The following PDE10A variants were observed in gnomAD, a reference collection of about 807,000 sequenced individuals.
The protein encoded by PDE10A is cAMP and cAMP-inhibited cGMP 3',5'-cyclic phosphodiesterase 10A.
In PDE10A, 39 loss-of-function variants were observed where a neutral mutation model predicts 97.7. The ratio of observed to expected loss-of-function variants is 0.40; its 90% CI spans 0.31 to 0.52. The LOEUF (loss-of-function observed/expected upper bound fraction) is 0.52. PDE10A is among the 20% of genes least tolerant of loss of function. PDE10A has a pLI of 0.56. For missense variants in PDE10A, 731 were observed against 1,047.8 expected (o/e 0.70, Z 4.17); for synonymous variants, 371 against 376.8 (o/e 0.98, Z 0.18).
intron 2 of PDE10A, among the ~76,000 whole-genome samples, chr6:165,482,736 G>A (rs560988334): frequency 6.6e-6 from 1 of 152,310 alleles, no homozygotes; most frequent in South Asian, 2.1e-4. Context: ...TGCTTCGAAG[G>A]TTAGTTCCAG....
In PDE10A at chr6:165,419,568, C is replaced by G. The variant is rs144531895; in HGVS notation, c.1654-791G>C. 6.9e-3 allele frequency among the ~76,000 whole-genome samples: 1,051 copies of G among 152,262 alleles called. 14 individuals are homozygous for G. Among genetic ancestry groups the G allele is most frequent in the African/African-American group, 0.024 (993 of 41,538 alleles). On this transcript the variant is annotated intron_variant, in intron 10 of 21. Transcript: ENST00000539869. The stretch of plus-strand genomic sequence containing the variant: ...GGCCCATGCTTTTATAACAAATATG[C>G]TTTTCCATTTCTAAATGGAAACCAT...
At chr6:165,520,223 A>C (rs1279158907) in intron 2 of PDE10A, among the ~76,000 whole-genome samples, 1 of 152,182 alleles carries the variant, frequency 6.6e-6, no homozygotes, top group Non-Finnish European at 1.5e-5. Flanking sequence ...AAGGAAGAAT[A>C]GTTTGAAGCA....
intron 1 of PDE10A, among the ~76,000 whole-genome samples, chr6:165,626,496 C>T (rs1788392028): frequency 6.6e-6 from 1 of 152,166 alleles, no homozygotes; most frequent in Non-Finnish European, 1.5e-5. Flanking sequence ...AGCAGACTTT[C>T]AATAACCTAA....
intron 1 of PDE10A, among the ~76,000 whole-genome samples, chr6:165,600,166 C>T (rs1470417176): frequency 6.6e-6 from 1 of 152,164 alleles, no homozygotes; most frequent in Non-Finnish European, 1.5e-5. Context: ...TTATAATCAC[C>T]TTCACTCCTC....
chr6:165,798,181 A>C (rs1242518339), intron 1 of PDE10A, among the ~76,000 whole-genome samples: 1 of 152,262 alleles, frequency 6.6e-6, no homozygotes, highest in Non-Finnish European at 1.5e-5. Flanking sequence ...TCTCAAAAAT[A>C]ATATCACCAT....
intron 1 of PDE10A, among the ~76,000 whole-genome samples, chr6:165,913,188 A>G (rs1782508771): frequency 6.6e-6 from 1 of 152,102 alleles, no homozygotes; most frequent in Non-Finnish European, 1.5e-5. Context: ...TTCATTATGT[A>G]TATGCAAATA....
chr6:165,550,082 T>C (rs1290016133), intron 1 of PDE10A, among the ~76,000 whole-genome samples: 2 of 152,110 alleles, frequency 1.3e-5, no homozygotes, highest in Non-Finnish European at 2.9e-5. Context: ...ACACCTGAGT[T>C]CTGACTCCTA....
chr6:165,793,600 A>G (rs1277453417), intron 1 of PDE10A, among the ~76,000 whole-genome samples: 1 of 152,182 alleles, frequency 6.6e-6, no homozygotes, highest in Non-Finnish European at 1.5e-5. Context: ...CAAGACTCAC[A>G]GCAGAGCAAG....
At chr6:165,510,380 C>A (rs1400902139) in intron 2 of PDE10A, among the ~76,000 whole-genome samples, 1 of 151,986 alleles carries the variant, frequency 6.6e-6, no homozygotes. Context: ...ATAAATTCCA[C>A]TTGATTGTAG....
Position 165,421,778 on chromosome 6 carries a change from T to C in PDE10A, c.1654-3001A>G, listed in dbSNP as rs1464556899. ...CAATTATAGGCAGTAAGAGGGCTTC[T>C]GTGGCTGGGTGCAGGGGCTCACGCT... is the stretch of plus-strand genomic sequence containing the variant. On this transcript the variant is annotated intron_variant, in intron 10 of 21. Coordinates refer to ENST00000539869, the MANE Select transcript of PDE10A (RefSeq NM_001385079.1). Among the ~76,000 whole-genome samples the C allele has an allele frequency of 2.0e-5, 3 of 152,234 alleles. No individual in the cohort carries two copies. The East Asian group carries it at 5.8e-4, about 29-fold the overall frequency.
At chr6:165,832,985 C>A (rs531404014) in intron 1 of PDE10A, among the ~76,000 whole-genome samples, 1 of 152,330 alleles carries the variant, frequency 6.6e-6, no homozygotes, top group South Asian at 2.1e-4. Flanking sequence ...ATGTACCCAT[C>A]ACCTGTGTGA....
chr6:165,497,005 T>A (rs1286436730), intron 2 of PDE10A, among the ~76,000 whole-genome samples: 2 of 152,120 alleles, frequency 1.3e-5, no homozygotes, highest in African/African-American at 4.8e-5. Context: ...CTTTGCAGAG[T>A]TACCAATGAC....
chr6:165,908,568 G>A (rs372069806), intron 1 of PDE10A, among the ~76,000 whole-genome samples: 2 of 152,274 alleles, frequency 1.3e-5, no homozygotes, highest in African/African-American at 4.8e-5. Flanking sequence ...GGCTGCATGC[G>A]ATAACACCAA....
At chr6:165,786,131 A>T (rs912747542) in intron 1 of PDE10A, among the ~76,000 whole-genome samples, 11 of 152,206 alleles carry the variant, frequency 7.2e-5, no homozygotes, top group African/African-American at 2.4e-4. Context: ...TGCTGCATGG[A>T]GGAAACAGAT....
intron 1 of PDE10A, among the ~76,000 whole-genome samples, chr6:165,884,168 G>C (rs1044539871): frequency 1.3e-4 from 20 of 152,194 alleles, no homozygotes; most frequent in Non-Finnish European, 2.2e-4. Flanking sequence ...AAGAGCCACT[G>C]TCTCAAGAAA....
At chr6:165,856,370 T>G (rs1043993559) in intron 1 of PDE10A, among the ~76,000 whole-genome samples, 12 of 152,216 alleles carry the variant, frequency 7.9e-5, no homozygotes, top group African/African-American at 2.9e-4. Context: ...AGGTCCTCCC[T>G]GGCACGGAGC....
intron 1 of PDE10A, among the ~76,000 whole-genome samples, chr6:165,713,945 TCA>T (rs2128446849): frequency 6.6e-6 from 1 of 152,336 alleles, no homozygotes; most frequent in Non-Finnish European, 1.5e-5. Flanking sequence ...GAAACACATG[TCA>T]CACATTACAA....
intron 1 of PDE10A, among the ~76,000 whole-genome samples, chr6:165,963,993 C>T (rs1583360221): frequency 6.6e-6 from 1 of 152,360 alleles, no homozygotes; most frequent in African/African-American, 2.4e-5. Flanking sequence ...CTTTGCTTTC[C>T]TGGCAGGTGA....
chr6:165,673,860 G>T (rs1372321233), intron 1 of PDE10A, among the ~76,000 whole-genome samples: 1 of 152,040 alleles, frequency 6.6e-6, no homozygotes, highest in East Asian at 1.9e-4. Flanking sequence ...TTGATCCACG[G>T]GTTATATAGA....
Sources: gnomAD v4.1 joint callset for allele counts (sites outside exome capture counted in the v4.1 genomes callset) on GRCh38, gnomAD v4.1.1 for gene constraint, MANE v1.5 for transcripts, NCBI Gene and HGNC (gene_info 2026-07-23, HGNC 2026-07-21) for gene names.